The following MOB3B variants were observed in gnomAD, a reference collection of about 807,000 sequenced individuals.
MOB3B encodes MOB kinase activator-like 2B.
A neutral mutation model predicts 18.7 loss-of-function variants in MOB3B; 7 were observed. The ratio of observed to expected loss-of-function variants is 0.37; its 90% confidence interval spans 0.21 to 0.70. MOB3B has a LOEUF of 0.70. MOB3B is among the 30% of genes least tolerant of loss of function. MOB3B has a pLI of 0.52. For synonymous variants in MOB3B, 111 were observed against 99.9 expected, an observed-to-expected ratio of 1.11 and a Z score of -0.66; for missense variants, 253 against 281.3, an observed-to-expected ratio of 0.90 and a Z score of 0.72.
intron 2 of MOB3B, among the ~76,000 whole-genome samples, chr9:27,448,052 G>A (rs925119458): frequency 2.0e-5 from 3 of 152,068 alleles, no homozygotes; most frequent in African/African-American, 2.4e-5. Context: ...GCATCCCTTC[G>A]AGAGGATTTA....
intron 2 of MOB3B, among the ~76,000 whole-genome samples, chr9:27,369,757 C>T (rs1414941017): frequency 1.3e-5 from 2 of 152,160 alleles, no homozygotes; most frequent in African/African-American, 2.4e-5. Context: ...TAGCTGGAAA[C>T]CTCTTCCTCA....
chr9:27,494,857 A>G (rs1819873750), intron 1 of MOB3B, among the ~76,000 whole-genome samples: 2 of 152,120 alleles, frequency 1.3e-5, no homozygotes. Flanking sequence ...CCTATTCCAC[A>G]TAAGAGTTGT....
intron 2 of MOB3B, chr9:27,396,828 C>G (rs553343739): frequency 6.6e-6 from 1 of 152,324 alleles, no homozygotes; most frequent in East Asian, 1.9e-4. Context: ...TGCCCTAAGA[C>G]TTAGCTATTA....
chr9:27,481,505 TTTTTTG>T (rs1819650612), intron 1 of MOB3B, among the ~76,000 whole-genome samples: 1 of 51,610 alleles, frequency 1.9e-5, no homozygotes, highest in Non-Finnish European at 4.2e-5. Flanking sequence ...TAGTTTTTTT[TTTTTTG>T]TTTTTTTTGT....
chr9:27,409,583 A>G (rs1822034230), intron 2 of MOB3B, among the ~76,000 whole-genome samples: 1 of 152,206 alleles, frequency 6.6e-6, no homozygotes, highest in African/African-American at 2.4e-5. Context: ...ACATCTAGGT[A>G]TATACCCAAA....
chr9:27,408,006 A>G (rs1025074889), intron 2 of MOB3B, among the ~76,000 whole-genome samples: 1 of 152,104 alleles, frequency 6.6e-6, no homozygotes, highest in South Asian at 2.1e-4. Context: ...AGGCCTTTCT[A>G]TCTCCAGAGA....
chr9:27,477,382 C>G (rs1172758602), intron 1 of MOB3B, among the ~76,000 whole-genome samples: 2 of 152,210 alleles, frequency 1.3e-5, no homozygotes, highest in Non-Finnish European at 1.5e-5. Flanking sequence ...CCTAATAAAG[C>G]ACATGACCCA....
intron 1 of MOB3B, among the ~76,000 whole-genome samples, chr9:27,459,706 G>T (rs545764217): frequency 6.6e-6 from 1 of 152,092 alleles, no homozygotes; most frequent in Admixed American, 6.6e-5. Flanking sequence ...GGACTGACTT[G>T]TATAGCCCAG....
At chr9:27,415,066 T>TG (rs201672817) in intron 2 of MOB3B, among the ~76,000 whole-genome samples, 1,747 of 152,158 alleles carry the variant, frequency 0.011, 34 homozygotes, top group African/African-American at 0.036. Context: ...TTCACCATGT[T>TG]GGCCAGGCTG....
intron 3 of MOB3B, among the ~76,000 whole-genome samples, chr9:27,351,089 G>T (rs1821099098): frequency 6.6e-6 from 1 of 152,026 alleles, no homozygotes; most frequent in Admixed American, 6.6e-5. Flanking sequence ...TTTTAGTAGA[G>T]ATGGGGTTTC....
At position 27,333,654 on chromosome 9, in the gene MOB3B, A is replaced by C. The variant is rs1398757921; in HGVS notation, c.622-3038T>G. 5.9e-5 allele frequency among the ~76,000 whole-genome samples: 9 copies of C among 152,346 alleles called. No individual in the cohort carries two copies. The East Asian group carries it at 1.5e-3, about 26-fold the overall frequency. ...GGTGACTGTGCTTGGCTTGTATATGAAGATTTTCAAAAACACCTGAATTTT... is the reference window on the plus strand; with the variant it reads ...GGTGACTGTGCTTGGCTTGTATATGCAGATTTTCAAAAACACCTGAATTTT... On this transcript the variant is annotated intron_variant, in intron 3 of 3. Transcript: ENST00000262244.
chr9:27,501,404 T>A (rs889076669), intron 1 of MOB3B, among the ~76,000 whole-genome samples: 1 of 152,038 alleles, frequency 6.6e-6, no homozygotes, highest in Non-Finnish European at 1.5e-5. Flanking sequence ...ATACATACCA[T>A]GGAATACTAT....
Position 27,325,377 on chromosome 9 carries a change from A to G in MOB3B, c.*5210T>C, listed in dbSNP as rs2131323005. 6.6e-6 allele frequency: 1 copy of G among 152,342 alleles called. No homozygotes were observed. The highest frequency in any genetic ancestry group is 1.9e-4 in the East Asian group (1 of 5,188). The allele number at this position is 152,342 out of a possible 1,614,324, so 9.4% of individuals were successfully genotyped here. ...ATAAATGGAACCAAAAATATAGTAA[A>G]CATTTCTTTTTCTGATGTATGTAAA... On this transcript the variant is annotated 3_prime_UTR_variant, in exon 4 of 4. Coordinates refer to ENST00000262244, the MANE Select transcript of MOB3B (RefSeq NM_024761.5).
chr9:27,506,497 ACTG>A (rs1420945717), intron 1 of MOB3B, among the ~76,000 whole-genome samples: 1 of 151,268 alleles, frequency 6.6e-6, no homozygotes, highest in Non-Finnish European at 1.5e-5. Context: ...TATGGTAGGC[ACTG>A]TGCCAGACCC....
intron 2 of MOB3B, among the ~76,000 whole-genome samples, chr9:27,360,600 C>G (rs1034981200): frequency 6.6e-6 from 1 of 152,206 alleles, no homozygotes; most frequent in Non-Finnish European, 1.5e-5. Context: ...AATTGTAGAA[C>G]TATGCACGGC....
chr9:27,451,981 T>C (rs1443926589), intron 2 of MOB3B, among the ~76,000 whole-genome samples: 1 of 152,146 alleles, frequency 6.6e-6, no homozygotes, highest in Non-Finnish European at 1.5e-5. Flanking sequence ...AAGACTCTCA[T>C]AGTGAAGGTG....
intron 1 of MOB3B, among the ~76,000 whole-genome samples, chr9:27,495,121 G>C (rs907266362): frequency 6.6e-6 from 1 of 152,024 alleles, no homozygotes; most frequent in Non-Finnish European, 1.5e-5. Flanking sequence ...TTGAGCCCAG[G>C]AGTTCAAGAC....
intron 1 of MOB3B, among the ~76,000 whole-genome samples, chr9:27,527,739 T>C (rs117257581): frequency 0.013 from 1,981 of 152,326 alleles, 23 homozygotes; most frequent in Middle Eastern, 0.044. Flanking sequence ...TGGGGTAGCA[T>C]AGGTTCTAAC....
intron 1 of MOB3B, among the ~76,000 whole-genome samples, chr9:27,520,443 C>T (rs777614871): frequency 3.9e-5 from 6 of 152,168 alleles, no homozygotes; most frequent in Admixed American, 6.5e-5. Flanking sequence ...TTATGCCAGA[C>T]GAATTTAGGA....
Sources: gnomAD v4.1 joint callset for allele counts (sites outside exome capture counted in the v4.1 genomes callset) on GRCh38, gnomAD v4.1.1 for gene constraint, MANE v1.5 for transcripts, NCBI Gene and HGNC (gene_info 2026-07-23, HGNC 2026-07-21) for gene names.